Variants in PHF21B observed in about 807,000 individuals in gnomAD.
The protein encoded by PHF21B is PHD finger protein 21B, also known as PHD finger protein 4.
PHF21B carries 22 observed loss-of-function variants against 62.2 expected under a neutral mutation model. The observed-to-expected ratio is 0.35, with a 90% CI of 0.25 to 0.51. The LOEUF (loss-of-function observed/expected upper bound fraction) is 0.51. Among genes scored for constraint, PHF21B ranks in the 20% least tolerant of loss-of-function variants. The probability of loss-of-function intolerance (pLI) is 0.97; values close to 1 mark genes in which losing one functional copy is unlikely to be tolerated. For synonymous variants in PHF21B, 341 were observed against 314.7 expected (o/e 1.08, Z -0.88); for missense variants, 701 against 707.9 (o/e 0.99, Z 0.11).
intron 8 of PHF21B, 35 bp from the exon 9 acceptor site, chr22:44,889,817 T>C (rs763023304): frequency 1.3e-6 from 2 of 1,542,472 alleles, no homozygotes; most frequent in Admixed American, 2.3e-5. Flanking sequence ...AACACGTTAG[T>C]GGCCGTCAGA....
At chr22:44,966,450 G>A (rs1000941850) in intron 2 of PHF21B, among the ~76,000 whole-genome samples, 1 of 152,202 alleles carries the variant, frequency 6.6e-6, no homozygotes, top group Non-Finnish European at 1.5e-5. Context: ...TCTACTGGGA[G>A]CTTTGGGGCC....
chr22:44,969,500 T>C (rs1342824463), intron 2 of PHF21B, among the ~76,000 whole-genome samples: 1 of 152,076 alleles, frequency 6.6e-6, no homozygotes, highest in Non-Finnish European at 1.5e-5. Context: ...ACTCCGTCTC[T>C]ACTAAAAATA....
intron 2 of PHF21B, among the ~76,000 whole-genome samples, chr22:44,973,686 A>G (rs1330336561): frequency 1.4e-5 from 2 of 142,734 alleles, no homozygotes; most frequent in African/African-American, 5.3e-5. Context: ...TGAGGGGAAA[A>G]GGAACCATTC....
chr22:44,901,984 G>T, intron 5 of PHF21B: 1 of 216,478 alleles, frequency 4.6e-6, no homozygotes, highest in South Asian at 8.8e-5. Flanking sequence ...AGCCAGCATG[G>T]GAGAAAATTG....
intron 5 of PHF21B, among the ~76,000 whole-genome samples, chr22:44,901,329 C>T (rs1355418971): frequency 6.6e-6 from 1 of 152,228 alleles, no homozygotes; most frequent in Admixed American, 6.5e-5. Flanking sequence ...CACTTCCTCA[C>T]ATCATCTTCT....
At chr22:44,972,724 C>T (rs1335868005) in intron 2 of PHF21B, among the ~76,000 whole-genome samples, 2 of 152,260 alleles carry the variant, frequency 1.3e-5, no homozygotes, top group African/African-American at 2.4e-5. Flanking sequence ...GCATGTCCCA[C>T]CCAGGTGGAG....
intron 5 of PHF21B, chr22:44,902,042 C>A: frequency 4.2e-6 from 1 of 236,324 alleles, no homozygotes; most frequent in Non-Finnish European, 8.9e-6. Flanking sequence ...CACTGGACAC[C>A]ACAGAGGCAA....
rs1180402891 is a variant in PHF21B at position 45,009,261 on chromosome 22, C to G, written c.54+235G>C. ...ACATCGCTTAAGAGAAGACTCCAGGCTCGGGTCCCACGCGTCCTCGATCCC... is the reference window on the plus strand; with the variant it reads ...ACATCGCTTAAGAGAAGACTCCAGGGTCGGGTCCCACGCGTCCTCGATCCC... On this transcript the variant is annotated intron_variant, in intron 1 of 12. Transcript: ENST00000313237. This position sits in a 1 kb window ranked among gnomAD's most constrained non-coding sequence, Gnocchi z 5.9. The G allele has an allele frequency of 1.8e-6, 1 of 547,018 alleles. No individual in the cohort carries two copies. The highest frequency in any genetic ancestry group is 2.0e-5 in the African/African-American group (1 of 49,440). The allele number at this position is 547,018 out of a possible 1,614,324, so 33.9% of individuals were successfully genotyped here.
chr22:44,953,336 G>C (rs2072230958), intron 2 of PHF21B, among the ~76,000 whole-genome samples: 1 of 152,146 alleles, frequency 6.6e-6, no homozygotes, highest in African/African-American at 2.4e-5. Context: ...AGCAATTCCT[G>C]TCTTTGAAGC....
intron 2 of PHF21B, among the ~76,000 whole-genome samples, chr22:44,929,851 C>T (rs970931931): frequency 7.2e-5 from 11 of 152,100 alleles, no homozygotes; most frequent in Admixed American, 1.3e-4. Context: ...CACAGAGATG[C>T]GAGGGTCCAC....
At chr22:44,901,562 A>G (rs1458596458) in intron 5 of PHF21B, 1 of 261,226 alleles carries the variant, frequency 3.8e-6, no homozygotes, top group Non-Finnish European at 7.2e-6. Context: ...TTAAAAACTC[A>G]TTATTGAGTT....
chr22:44,935,551 T>C (rs986029694), intron 2 of PHF21B, among the ~76,000 whole-genome samples: 1 of 151,788 alleles, frequency 6.6e-6, no homozygotes, highest in Admixed American at 6.6e-5. Flanking sequence ...GAGGTGGAGC[T>C]TGCAGTGAGC....
chr22:45,006,863 T>C (rs553533600), intron 2 of PHF21B, among the ~76,000 whole-genome samples: 4 of 152,304 alleles, frequency 2.6e-5, no homozygotes, highest in Admixed American at 1.3e-4. Context: ...GATTTTTTTT[T>C]TTTTTTAAAG....
chr22:44,952,349 A>G (rs910204510), intron 2 of PHF21B, among the ~76,000 whole-genome samples: 1 of 152,256 alleles, frequency 6.6e-6, no homozygotes, highest in Non-Finnish European at 1.5e-5. Context: ...GTCTCAAAAA[A>G]GAAAATAAAA....
intron 5 of PHF21B, among the ~76,000 whole-genome samples, chr22:44,899,015 G>T (rs529429886): frequency 6.6e-6 from 1 of 152,254 alleles, no homozygotes; most frequent in East Asian, 1.9e-4. Flanking sequence ...AGGAGCTCCT[G>T]CCACACGTTC....
At position 44,955,816 on chromosome 22, in the gene PHF21B, T is replaced by C. The variant is rs114031897; in HGVS notation, c.121-35326A>G. 9.9e-3 allele frequency among the ~76,000 whole-genome samples: 1,509 copies of C among 152,252 alleles called. 26 individuals are homozygous for C. The highest frequency in any genetic ancestry group is 0.033 in the African/African-American group (1,390 of 41,520). ...AGATCAATCCCCGTATGCATCCCCA[T>C]CTGTATCCCATTGGTTCTGCTCTCT... On this transcript the variant is annotated intron_variant, in intron 2 of 12. Coordinates refer to ENST00000313237, the MANE Select transcript of PHF21B (RefSeq NM_138415.5).
chr22:45,007,236 C>T (rs56097234), intron 2 of PHF21B, among the ~76,000 whole-genome samples: 74,035 of 151,528 alleles, frequency 0.49, 18,813 homozygotes, highest in Non-Finnish European at 0.56. Context: ...CCCCCCAAAA[C>T]CCGCCACTCG....
chr22:44,934,509 G>T (rs374609328), intron 2 of PHF21B, among the ~76,000 whole-genome samples: 14 of 152,208 alleles, frequency 9.2e-5, no homozygotes, highest in African/African-American at 3.4e-4. Context: ...AGGATGGCGT[G>T]GTCAGGAACA....
chr22:44,932,693 C>G lies in PHF21B; in HGVS notation c.121-12203G>C, dbSNP rs527255318. ...TGACGGCCTGGAATCTGAGGGTGCA[C>G]CTCCGCACCTGCACCACGGAATGCC... On this transcript the variant is annotated intron_variant, in intron 2 of 12. Coordinates refer to ENST00000313237, the MANE Select transcript of PHF21B (RefSeq NM_138415.5). Among the ~76,000 whole-genome samples, 9 of 152,360 alleles carry G rather than the reference C, an allele frequency of 5.9e-5. No individual in the cohort carries two copies. In the South Asian group the frequency reaches 1.9e-3, roughly 32 times the overall value.
Sources: gnomAD v4.1 joint callset for allele counts (sites outside exome capture counted in the v4.1 genomes callset) on GRCh38, gnomAD v4.1.1 for gene constraint, Gnocchi (gnomAD v3.1) non-coding constraint, MANE v1.5 for transcripts, NCBI Gene and HGNC (gene_info 2026-07-23, HGNC 2026-07-21) for gene names.